RBFOX1: variants seen among roughly 807,000 people sequenced by gnomAD.
RBFOX1 encodes RNA binding fox-1 homolog 1, also known as RNA binding protein fox-1 homolog 1.
A neutral mutation model predicts 57.7 loss-of-function variants in RBFOX1; 8 were observed. The observed-to-expected ratio is 0.14, with a 90% CI of 0.08 to 0.25. The LOEUF is 0.25. Among genes scored for constraint, RBFOX1 ranks in the 10% least tolerant of loss-of-function variants. RBFOX1 has a pLI of 1.00. For synonymous variants in RBFOX1, 326 were observed against 222.4 expected, an observed-to-expected ratio of 1.47 and a Z score of -4.15; for missense variants, 611 against 548.5, an observed-to-expected ratio of 1.11 and a Z score of -1.14.
Position 6,859,076 on chromosome 16 carries a change from T to C in RBFOX1, c.-15-192981T>C, listed in dbSNP as rs140426629. On this transcript the variant is annotated intron_variant, in intron 3 of 15. Coordinates refer to ENST00000550418, the MANE Select transcript of RBFOX1 (RefSeq NM_018723.4). Reference sequence around the variant, plus strand: ...AAGGAGGAATTAAGTTATGCTCCCTTAATACCATCAGTGTTGTATTGTCCT... The same window carrying C: ...AAGGAGGAATTAAGTTATGCTCCCTCAATACCATCAGTGTTGTATTGTCCT... Among the ~76,000 whole-genome samples the C allele has an allele frequency of 4.8e-3, 663 of 138,690 alleles. 5 individuals carry two copies. Among genetic ancestry groups the C allele is most frequent in the South Asian group, 0.012 (50 of 4,216 alleles). The allele number at this position is 138,690 out of a possible 152,430, so 91.0% of individuals were successfully genotyped here. A position where few individuals can be genotyped will look rare whatever the true frequency, so the allele number is the denominator to read the frequency against.
chr16:7,304,313 A>G, intron 4 of RBFOX1: 1 of 984,856 alleles, frequency 1.0e-6, no homozygotes, highest in Non-Finnish European at 1.2e-6. Context: ...AAAAAATTGT[A>G]GCGCCCAGGC....
chr16:5,870,187 T>C (rs1465830238), intron 4 of RBFOX1, among the ~76,000 whole-genome samples: 1 of 149,888 alleles, frequency 6.7e-6, no homozygotes, highest in African/African-American at 2.4e-5. Flanking sequence ...AACATTCATC[T>C]CTGATGATAA....
intron 4 of RBFOX1, among the ~76,000 whole-genome samples, chr16:5,902,196 C>T (rs978650984): frequency 6.6e-6 from 1 of 152,130 alleles, no homozygotes; most frequent in Non-Finnish European, 1.5e-5. Flanking sequence ...CTCACCCTTA[C>T]AACAGACCCA....
chr16:6,918,102 C>T (rs1231347067), intron 3 of RBFOX1, among the ~76,000 whole-genome samples: 3 of 152,176 alleles, frequency 2.0e-5, no homozygotes, highest in Non-Finnish European at 4.4e-5. Context: ...GCCTGGACAA[C>T]ATGGTGAAAC....
intron 3 of RBFOX1, among the ~76,000 whole-genome samples, chr16:5,619,758 C>A (rs961459368): frequency 6.6e-6 from 1 of 152,122 alleles, no homozygotes; most frequent in Non-Finnish European, 1.5e-5. Context: ...TAAGCTGCTT[C>A]CCTTCTCTGT....
chr16:6,647,404 C>G (rs1323521339), intron 2 of RBFOX1, among the ~76,000 whole-genome samples: 1 of 152,158 alleles, frequency 6.6e-6, no homozygotes, highest in African/African-American at 2.4e-5. Flanking sequence ...ACCACCATGC[C>G]TGGCTAATTT....
At position 5,469,692 on chromosome 16, in the gene RBFOX1, C is replaced by T. The variant is rs555541038; in HGVS notation, c.258+2438C>T. On this transcript the variant is annotated intron_variant, in intron 2 of 2. Transcript: ENST00000585867. ...TTCCTCCATCCCCAGCCCCTGACAACTGCTAGTCTGCATCCTGCCCCTGTG... is the reference window on the plus strand; with the variant it reads ...TTCCTCCATCCCCAGCCCCTGACAATTGCTAGTCTGCATCCTGCCCCTGTG... Among the ~76,000 whole-genome samples the T allele has an allele frequency of 3.9e-5, 6 of 152,282 alleles. No individual in the cohort carries two copies. In the South Asian group the frequency reaches 1.2e-3, roughly 32 times the overall value.
At chr16:5,909,592 G>A (rs776656473) in intron 4 of RBFOX1, among the ~76,000 whole-genome samples, 5 of 152,254 alleles carry the variant, frequency 3.3e-5, no homozygotes, top group Non-Finnish European at 4.4e-5. Context: ...CTTATCCTGA[G>A]TATAAGTGAA....
intron 3 of RBFOX1, among the ~76,000 whole-genome samples, chr16:5,712,609 A>T (rs1461504366): frequency 1.7e-5 from 2 of 116,820 alleles, no homozygotes; most frequent in Non-Finnish European, 4.4e-5. Context: ...TAGGTGACTT[A>T]TGTGTTATTT....
At chr16:7,085,052 T>G (rs553611491) in intron 4 of RBFOX1, among the ~76,000 whole-genome samples, 1 of 152,254 alleles carries the variant, frequency 6.6e-6, no homozygotes, top group South Asian at 2.1e-4. Flanking sequence ...GAAGATAAAG[T>G]AGGTATTATA....
intron 4 of RBFOX1, among the ~76,000 whole-genome samples, chr16:7,103,529 G>T (rs116196193): frequency 1.5e-3 from 224 of 152,250 alleles, no homozygotes; most frequent in African/African-American, 5.3e-3. Flanking sequence ...GAGATGATCA[G>T]TGACAAAAGC....
At chr16:6,166,072 G>A (rs1193172896) in intron 1 of RBFOX1, among the ~76,000 whole-genome samples, 1 of 152,210 alleles carries the variant, frequency 6.6e-6, no homozygotes, top group Non-Finnish European at 1.5e-5. Context: ...TTCTCAGAGT[G>A]TAGTCTTTTC....
intron 4 of RBFOX1, among the ~76,000 whole-genome samples, chr16:5,971,302 C>T (rs1409351001): frequency 1.3e-5 from 2 of 152,134 alleles, no homozygotes; most frequent in Non-Finnish European, 2.9e-5. Flanking sequence ...TGTCATGTGA[C>T]AGGAAATGAC....
chr16:6,234,412 G>A (rs901931256), intron 1 of RBFOX1, among the ~76,000 whole-genome samples: 1 of 152,136 alleles, frequency 6.6e-6, no homozygotes, highest in Non-Finnish European at 1.5e-5. Flanking sequence ...GAGGATAGGG[G>A]CTATTTTTAT....
At chr16:6,872,455 A>C in intron 3 of RBFOX1, among the ~76,000 whole-genome samples, 1 of 152,170 alleles carries the variant, frequency 6.6e-6, no homozygotes, top group East Asian at 1.9e-4. Flanking sequence ...AACTCAACTT[A>C]GGAAACAGCT....
intron 3 of RBFOX1, among the ~76,000 whole-genome samples, chr16:6,657,824 T>TTTTTA (rs113616956): frequency 0.039 from 5,978 of 152,012 alleles, 282 homozygotes; most frequent in East Asian, 0.099. Flanking sequence ...TTTAAAGCTC[T>TTTTTA]TTTTATTTTA....
chr16:7,544,500 T>C (rs533673153), intron 5 of RBFOX1, among the ~76,000 whole-genome samples: 2 of 152,268 alleles, frequency 1.3e-5, no homozygotes, highest in South Asian at 4.1e-4. Context: ...AAGAAAACCA[T>C]GTCAAGACGC....
At chr16:5,424,425 C>A (rs369730831) in intron 1 of RBFOX1, among the ~76,000 whole-genome samples, 1 of 152,032 alleles carries the variant, frequency 6.6e-6, no homozygotes. Context: ...CTGTCCCCAC[C>A]GTTAGTCTGT....
chr16:6,074,314 A>G (rs2095870997), intron 1 of RBFOX1, among the ~76,000 whole-genome samples: 1 of 152,136 alleles, frequency 6.6e-6, no homozygotes, highest in Non-Finnish European at 1.5e-5. Context: ...TGTATGTAGT[A>G]AGCATGTTTA....
Sources: gnomAD v4.1 joint callset for allele counts (sites outside exome capture counted in the v4.1 genomes callset) on GRCh38, gnomAD v4.1.1 for gene constraint, MANE v1.5 for transcripts, NCBI Gene and HGNC (gene_info 2026-07-23, HGNC 2026-07-21) for gene names.